The following ARFRP1 variants were observed in gnomAD, a reference collection of about 807,000 sequenced individuals.
ARFRP1 encodes the protein ADP-ribosylation factor-related protein 1.
A neutral mutation model predicts 30.3 loss-of-function variants in ARFRP1; 19 were observed. The ratio of observed to expected loss-of-function variants is 0.63; its 90% confidence interval spans 0.44 to 0.92. The LOEUF (loss-of-function observed/expected upper bound fraction) is 0.92. ARFRP1 is among the 40% of genes least tolerant of loss of function. ARFRP1 has a pLI of 0.00. For synonymous variants in ARFRP1, 133 were observed against 114.2 expected, an observed-to-expected ratio of 1.16 and a Z score of -1.05; for missense variants, 245 against 267.5, an observed-to-expected ratio of 0.92 and a Z score of 0.59.
Position 63,699,400 on chromosome 20 carries a change from A to C in ARFRP1, c.*1043T>G, listed in dbSNP as rs2091081497. ...GGGAGTGCCTGGACTCTCCAGGCCCACCTGGGGAGCCCCTCACCTGCCCAC... is the reference window on the plus strand; with the variant it reads ...GGGAGTGCCTGGACTCTCCAGGCCCCCCTGGGGAGCCCCTCACCTGCCCAC... On this transcript the variant is annotated 3_prime_UTR_variant, in exon 8 of 8. Transcript: ENST00000622789. 1.3e-5 allele frequency: 2 copies of C among 151,742 alleles called. No homozygotes were observed. Among genetic ancestry groups the C allele is most frequent in the Non-Finnish European group, 2.9e-5 (2 of 68,050 alleles). The allele number at this position is 151,742 out of a possible 1,614,324, so 9.4% of individuals were successfully genotyped here.
At chr20:63,707,241 C>T in intron 1 of ARFRP1, 144 bp from the exon 2 acceptor site, 2 of 654,260 alleles carry the variant, frequency 3.1e-6, no homozygotes, top group Admixed American at 2.7e-5. Context: ...TCGTCCCTCT[C>T]CCACCCCGTC....
In ARFRP1 at chr20:63,700,166, C is replaced by A. The variant is rs768087759; in HGVS notation, c.*277G>T. On this transcript the variant is annotated 3_prime_UTR_variant, in exon 8 of 8. Coordinates refer to ENST00000622789, the MANE Select transcript of ARFRP1 (RefSeq NM_001267547.3). ...AATTCCCAACCAGGTCTCCCTCAGACCCCCCAGAAAGGGCCTCGAAAGGCC... is the reference window on the plus strand; with the variant it reads ...AATTCCCAACCAGGTCTCCCTCAGAACCCCCAGAAAGGGCCTCGAAAGGCC... 2.4e-5 allele frequency: 11 copies of A among 463,860 alleles called. No individual in the cohort carries two copies. Among genetic ancestry groups the A allele is most frequent in the Non-Finnish European group, 4.4e-5 (11 of 251,108 alleles). The allele number at this position is 463,860 out of a possible 1,614,324, so 28.7% of individuals were successfully genotyped here.
rs1423727203 is a variant in ARFRP1 at position 63,698,657 on chromosome 20, C to T, written c.*1786G>A. 4.5e-6 allele frequency: 6 copies of T among 1,319,460 alleles called. No homozygotes were observed. The South Asian group carries it at 5.6e-5, about 12-fold the overall frequency. 81.7% of individuals were successfully genotyped at this position (1,319,460 alleles called of 1,614,324 possible). A position where few individuals can be genotyped will look rare whatever the true frequency, so the allele number is the denominator to read the frequency against. On this transcript the variant is annotated 3_prime_UTR_variant, in exon 8 of 8. Coordinates refer to ENST00000622789, the MANE Select transcript of ARFRP1 (RefSeq NM_001267547.3). Reference sequence around the variant, plus strand: ...ATAGAAGAAATGAGGTTTCTTAAAGCTTATTTTTATAAAGCTTTTTCATAA... The same window carrying T: ...ATAGAAGAAATGAGGTTTCTTAAAGTTTATTTTTATAAAGCTTTTTCATAA...
At position 63,700,238 on chromosome 20, in the gene ARFRP1, C is replaced by T; in HGVS notation, c.*205G>A. 1 of 728,332 alleles carries T rather than the reference C, an allele frequency of 1.4e-6. No individual in the cohort carries two copies. Among genetic ancestry groups the T allele is most frequent in the Non-Finnish European group, 2.2e-6 (1 of 458,574 alleles). 45.1% of individuals were successfully genotyped at this position (728,332 alleles called of 1,614,324 possible). A position where few individuals can be genotyped will look rare whatever the true frequency, so the allele number is the denominator to read the frequency against. On this transcript the variant is annotated 3_prime_UTR_variant, in exon 8 of 8. Transcript: ENST00000622789. ...GCTGCCGCTGCAGGGCCTGGGCCAG[C>T]CGGGCTGCCAGACTCCCCTCCAAAG...
At chr20:63,703,748 TG>T (rs1031122369) in intron 4 of ARFRP1, 55 of 152,406 alleles carry the variant, frequency 3.6e-4, no homozygotes, top group African/African-American at 1.2e-3. Flanking sequence ...TCCTGGACCA[TG>T]GGACCACGTG....
intron 1 of ARFRP1, chr20:63,707,339 C>T (rs1225877085): frequency 6.3e-6 from 3 of 476,282 alleles, no homozygotes; most frequent in Non-Finnish European, 1.1e-5. Flanking sequence ...GGTTCCGGCC[C>T]CTCCCCTGCT....
At chr20:63,705,750 G>A (rs770902082) in intron 4 of ARFRP1, 19 of 533,098 alleles carry the variant, frequency 3.6e-5, no homozygotes, top group Admixed American at 1.2e-4. Context: ...CACTTTGGAG[G>A]AGTGCAGGGT....
Position 63,700,228 on chromosome 20 carries a change from CCTGGGCCAG to C in ARFRP1, c.*206_*214del. On this transcript the variant is annotated 3_prime_UTR_variant, in exon 8 of 8. Coordinates refer to ENST00000622789, the MANE Select transcript of ARFRP1 (RefSeq NM_001267547.3). ...CTGTGGAAAGGCTGCCGCTGCAGGG[CCTGGGCCAG>C]CCGGGCTGCCAGACTCCCCTCCAAA... The C allele has an allele frequency of 7.4e-6, 5 of 671,422 alleles. No individual in the cohort carries two copies. Among genetic ancestry groups the C allele is most frequent in the Non-Finnish European group, 9.8e-6 (4 of 407,702 alleles). 41.6% of individuals were successfully genotyped at this position (671,422 alleles called of 1,614,324 possible). A position where few individuals can be genotyped will look rare whatever the true frequency, so the allele number is the denominator to read the frequency against.
In ARFRP1 at chr20:63,701,804, CTGCGGGAGGCAGGGG is replaced by C. The variant is rs933545449; in HGVS notation, c.417+11_417+25del. 2 of 1,548,550 alleles carry C rather than the reference CTGCGGGAGGCAGGGG, an allele frequency of 1.3e-6. No homozygotes were observed. Among genetic ancestry groups the C allele is most frequent in the Admixed American group, 3.9e-5 (2 of 50,962 alleles). On this transcript the variant is annotated intron_variant, in intron 6 of 7. Transcript: ENST00000622789. ...GGGAGGCTGGGGACTCGGGAAGCTG[CTGCGGGAGGCAGGGG>C]TGGGGCTCACCTCCACATCCTGCTT...
chr20:63,706,736 G>C lies in ARFRP1; in HGVS notation c.96C>G (p.Thr32=). Residue 32 remains threonine, a splice_region_variant and synonymous_variant, in exon 3 of 8, where the codon ACC becomes ACG. Transcript: ENST00000622789. ...ILGLDNAGKT[T]FLEQSKTRFN... ...ATCGGGTTTTCGACTGCTCCAGGAA[G>C]GTCTGAGGAGAGAGGCAGAGGCGAA... 6.2e-7 allele frequency: 1 copy of C among 1,612,020 alleles called. No individual in the cohort carries two copies. The highest frequency in any genetic ancestry group is 8.5e-7 in the Non-Finnish European group (1 of 1,178,128).
rs1258943993 is a variant in ARFRP1, at chr20:63,700,684, C to T, written c.436G>A (p.Asp146Asn). 1.9e-6 allele frequency: 3 copies of T among 1,610,920 alleles called. No individual in the cohort carries two copies. Among genetic ancestry groups the T allele is most frequent in the Non-Finnish European group, 2.5e-6 (3 of 1,179,880 alleles). The change falls in exon 7 of 8, where the codon GAC becomes AAC. Residue 146 changes from aspartate (D) to asparagine (N), a missense_variant. Physicochemically the swap from Asp to Asn is conservative, Grantham distance 23. Transcript: ENST00000622789. ...CAGTCGCTGAAGGCCGTCTTGATGT[C>T]AGGGATTGAGAGGCACGTCTGGGGG... Reference protein sequence around the residue: ...QDVETCLSIPDIKTAFSDCTS... With the variant: ...QDVETCLSIPNIKTAFSDCTS...
Position 63,698,972 on chromosome 20 carries a change from A to C in ARFRP1, c.*1471T>G. ...GCCCTAGTCGCCGGGGCCCACACTA[A>C]CCCCCCACTTATGAATTCCTCCCAC... On this transcript the variant is annotated 3_prime_UTR_variant, in exon 8 of 8. Transcript: ENST00000622789. 1 of 160,778 alleles carries C rather than the reference A, an allele frequency of 6.2e-6. No homozygotes were observed. The highest frequency in any genetic ancestry group is 2.4e-5 in the African/African-American group (1 of 41,808). 10.0% of individuals were successfully genotyped at this position (160,778 alleles called of 1,614,324 possible).
chr20:63,702,570 T>A, intron 4 of ARFRP1: 1 of 321,942 alleles, frequency 3.1e-6, no homozygotes, highest in Non-Finnish European at 6.0e-6. Context: ...GGCAACACAG[T>A]GAGACTCCGT....
rs1428074522 is a variant in ARFRP1, at chr20:63,706,360, G to A, written c.261C>T (p.Asp87=). The part of the protein sequence containing the change: ...GGQEELQSLW[D]KYYAECHGVI... ...GGTCCTGGCCAGGGAGTCTTACCTTGTCCCACAAAGACTGCAGCTCTTCCT... is the reference window on the plus strand; with the variant it reads ...GGTCCTGGCCAGGGAGTCTTACCTTATCCCACAAAGACTGCAGCTCTTCCT... The change falls in exon 4 of 8, where the codon GAC becomes GAT. Residue 87 remains aspartate (D), a synonymous_variant. Transcript: ENST00000622789. The A allele has an allele frequency of 1.2e-6, 2 of 1,613,038 alleles. No homozygotes were observed. Among genetic ancestry groups the A allele is most frequent in the Non-Finnish European group, 1.7e-6 (2 of 1,179,840 alleles).
chr20:63,705,753 T>G (rs1027011297), intron 4 of ARFRP1: 1 of 532,768 alleles, frequency 1.9e-6, no homozygotes, highest in Non-Finnish European at 3.8e-6. Flanking sequence ...TTTGGAGGAG[T>G]GCAGGGTCCC....
At chr20:63,705,824 G>A (rs748539489) in intron 4 of ARFRP1, 2 of 507,322 alleles carry the variant, frequency 3.9e-6, no homozygotes, top group East Asian at 5.6e-5. Flanking sequence ...TGACCTCTCT[G>A]ACTTGGCCAG....
chr20:63,700,249 G>T lies in ARFRP1; in HGVS notation c.*194C>A. On this transcript the variant is annotated 3_prime_UTR_variant, in exon 8 of 8. Transcript: ENST00000622789. ...AGGGCCTGGGCCAGCCGGGCTGCCA[G>T]ACTCCCCTCCAAAGCCTCCGGATGC... 1 of 814,464 alleles carries T rather than the reference G, an allele frequency of 1.2e-6. No homozygotes were observed. Among genetic ancestry groups the T allele is most frequent in the Non-Finnish European group, 1.9e-6 (1 of 533,924 alleles). 50.5% of individuals were successfully genotyped at this position (814,464 alleles called of 1,614,324 possible). A position where few individuals can be genotyped will look rare whatever the true frequency, so the allele number is the denominator to read the frequency against.
intron 3 of ARFRP1, 56 bp downstream of exon 3, chr20:63,706,595 G>A (rs1601286631): frequency 1.3e-6 from 2 of 1,537,910 alleles, no homozygotes; most frequent in African/African-American, 2.7e-5. Context: ...GCTGGACTGT[G>A]AATATCACGG....
At chr20:63,701,523 G>A (rs1430863299) in intron 6 of ARFRP1, 3 of 554,472 alleles carry the variant, frequency 5.4e-6, no homozygotes, top group South Asian at 3.9e-5. Flanking sequence ...TTTCACCTGG[G>A]TGTCCCCACA....
Sources: gnomAD v4.1 joint callset for allele counts on GRCh38, gnomAD v4.1.1 for gene constraint, MANE v1.5 for transcripts, NCBI Gene and HGNC (gene_info 2026-07-23, HGNC 2026-07-21) for gene names.